The following SCO1 variants were observed in gnomAD, a reference collection of about 807,000 sequenced individuals.
The protein encoded by SCO1 is synthesis of cytochrome C oxidase 1, also known as cytochrome c oxidase assembly factor SCO1.
SCO1 carries 23 observed loss-of-function variants against 34.0 expected under a neutral mutation model. The observed-to-expected ratio is 0.68, with a 90% CI of 0.49 to 0.96. The LOEUF (loss-of-function observed/expected upper bound fraction) is 0.96. SCO1 is among the 40% of genes least tolerant of loss of function. The pLI is 0.00. For synonymous variants in SCO1, 161 were observed against 145.5 expected (o/e 1.11, Z -0.77); for missense variants, 404 against 381.6 (o/e 1.06, Z -0.49).
chr17:10,684,090 G>A (rs907397889), intron 5 of SCO1: 6 of 152,160 alleles, frequency 3.9e-5, no homozygotes, highest in Non-Finnish European at 5.9e-5. Flanking sequence ...ATTCCTCATC[G>A]AATCTCATCA....
At chr17:10,691,419 T>C (rs1208347581) in intron 4 of SCO1, among the ~76,000 whole-genome samples, 1 of 152,190 alleles carries the variant, frequency 6.6e-6, no homozygotes, top group African/African-American at 2.4e-5. Flanking sequence ...CCCGGCCTGT[T>C]ACAGTAAATG....
chr17:10,694,203 A>T (rs948946523), intron 2 of SCO1, among the ~76,000 whole-genome samples: 2 of 152,220 alleles, frequency 1.3e-5, no homozygotes, highest in African/African-American at 4.8e-5. Flanking sequence ...AGACAAATCC[A>T]AGCTAAGGGG....
intron 4 of SCO1, 133 bp from the exon 5 acceptor site, chr17:10,686,975 C>T (rs572126392): frequency 2.9e-6 from 2 of 694,880 alleles, no homozygotes; most frequent in South Asian, 1.5e-5. Flanking sequence ...CATTTCTTCA[C>T]GATTCAAAGG....
chr17:10,686,070 C>T (rs1165913389), intron 5 of SCO1, among the ~76,000 whole-genome samples: 2 of 152,068 alleles, frequency 1.3e-5, no homozygotes, highest in Admixed American at 6.5e-5. Context: ...GGCAAAACTC[C>T]TTCTCTACTA....
intron 2 of SCO1, among the ~76,000 whole-genome samples, chr17:10,695,360 G>A (rs932415484): frequency 1.3e-5 from 2 of 152,000 alleles, no homozygotes; most frequent in African/African-American, 4.8e-5. Context: ...ACTCATCTTC[G>A]TACCCTCCAG....
chr17:10,693,414 A>C (rs988113254), intron 2 of SCO1, among the ~76,000 whole-genome samples: 3 of 152,182 alleles, frequency 2.0e-5, no homozygotes, highest in Admixed American at 2.0e-4. Context: ...TGATGAAATA[A>C]ATGAGTATAT....
chr17:10,680,930 T>C lies in SCO1; in HGVS notation c.*189A>G. 2.9e-6 allele frequency: 2 copies of C among 687,572 alleles called. No homozygotes were observed. The highest frequency in any genetic ancestry group is 5.0e-6 in the Non-Finnish European group (2 of 399,570). The allele number at this position is 687,572 out of a possible 1,614,324, so 42.6% of individuals were successfully genotyped here. ...CCTGGGAGACTTTGGGTTGTAATCT[T>C]TACAGTTCCAAGAATCAATTTTGGT... On this transcript the variant is annotated 3_prime_UTR_variant, in exon 6 of 6. Transcript: ENST00000255390.
rs2074619493 is a variant in SCO1, at chr17:10,681,121, AG to A, written c.903del (p.Ter302SerfsTer84). On this transcript the variant is annotated frameshift_variant, in exon 6 of 6. Coordinates refer to ENST00000255390, the MANE Select transcript of SCO1 (RefSeq NM_004589.4). LOFTEE classifies it high-confidence loss of function. Reference sequence around the variant, plus strand: ...TGCATCCAGCAACACTGCTTTGGCTAGCTCTTTTTTCTGTATGGCCTCATGT... The same window carrying A: ...TGCATCCAGCAACACTGCTTTGGCTACTCTTTTTTCTGTATGGCCTCATGT... Reference protein sequence around the residue: ...ATHMRPYRKKS With the variant: ...ATHMRPYRKKX The A allele has an allele frequency of 6.2e-7, 1 of 1,614,176 alleles. No homozygotes were observed. Among genetic ancestry groups the A allele is most frequent in the African/African-American group, 1.3e-5 (1 of 75,054 alleles).
intron 4 of SCO1, among the ~76,000 whole-genome samples, chr17:10,688,624 C>G (rs2074671350): frequency 1.3e-5 from 2 of 152,308 alleles, no homozygotes; most frequent in South Asian, 4.1e-4. Context: ...TATGATCTAA[C>G]CATTCCTATC....
chr17:10,694,646 C>A (rs530978971), intron 2 of SCO1, among the ~76,000 whole-genome samples: 1 of 152,016 alleles, frequency 6.6e-6, no homozygotes, highest in Admixed American at 6.6e-5. Flanking sequence ...GAAGACTTTT[C>A]AGATTATTTA....
chr17:10,684,641 A>G (rs2074643884), intron 5 of SCO1, among the ~76,000 whole-genome samples: 1 of 152,230 alleles, frequency 6.6e-6, no homozygotes, highest in Non-Finnish European at 1.5e-5. Flanking sequence ...AAGCATCAAG[A>G]CTATGGAGTG....
At chr17:10,681,999 C>T (rs1180706488) in intron 5 of SCO1, among the ~76,000 whole-genome samples, 2 of 152,200 alleles carry the variant, frequency 1.3e-5, no homozygotes, top group Non-Finnish European at 2.9e-5. Context: ...AGCATAAATG[C>T]TGCCCCCCTA....
chr17:10,693,432 AAG>A (rs2074702399), intron 2 of SCO1, among the ~76,000 whole-genome samples: 1 of 152,166 alleles, frequency 6.6e-6, no homozygotes, highest in African/African-American at 2.4e-5. Context: ...TATTAAAGAG[AAG>A]AGAGTTACAA....
Position 10,681,004 on chromosome 17 carries a change from A to C in SCO1, c.*115T>G. On this transcript the variant is annotated 3_prime_UTR_variant, in exon 6 of 6. Transcript: ENST00000255390. ...TCCAAAACAGAAATGTTCTCATGGTATGAAGGCCATTCTGTAGAGTGCACG... is the reference window on the plus strand; with the variant it reads ...TCCAAAACAGAAATGTTCTCATGGTCTGAAGGCCATTCTGTAGAGTGCACG... 1.6e-6 allele frequency: 2 copies of C among 1,219,808 alleles called. No homozygotes were observed. Among genetic ancestry groups the C allele is most frequent in the African/African-American group, 1.5e-5 (1 of 67,196 alleles). 75.6% of individuals were successfully genotyped at this position (1,219,808 alleles called of 1,614,324 possible). A position where few individuals can be genotyped will look rare whatever the true frequency, so the allele number is the denominator to read the frequency against.
rs1232276604 is a variant in SCO1 at position 10,673,372 on chromosome 17, T to C, written c.*7747A>G. ...TTGACGTCGTCAATCAATCAGTGAA[T>C]GACTGTCTTGTGCTGTGATCCCGCA... On this transcript the variant is annotated 3_prime_UTR_variant, in exon 6 of 6. Transcript: ENST00000255390. The C allele has an allele frequency of 1.3e-5, 2 of 152,266 alleles. No homozygotes were observed. The highest frequency in any genetic ancestry group is 2.9e-5 in the Non-Finnish European group (2 of 68,070). The allele number at this position is 152,266 out of a possible 1,614,324, so 9.4% of individuals were successfully genotyped here.
At chr17:10,694,851 C>T (rs1264652476) in intron 2 of SCO1, among the ~76,000 whole-genome samples, 1 of 152,116 alleles carries the variant, frequency 6.6e-6, no homozygotes, top group Non-Finnish European at 1.5e-5. Flanking sequence ...GCCAAAGAGT[C>T]TCATATATAT....
rs185311741 is a variant in SCO1, at chr17:10,697,179, G to A, written c.273+56C>T. The A allele has an allele frequency of 6.2e-4, 895 of 1,448,470 alleles. 11 individuals carry two copies. In the East Asian group the frequency reaches 0.017, roughly 27 times the overall value. 89.7% of individuals were successfully genotyped at this position (1,448,470 alleles called of 1,614,324 possible). A position where few individuals can be genotyped will look rare whatever the true frequency, so the allele number is the denominator to read the frequency against. ...GGTTACGACCAAGTGGGATGTGGCC[G>A]CTGGGCTGGCCGACAGCCGCGACGA... On this transcript the variant is annotated intron_variant, in intron 1 of 5. Coordinates refer to ENST00000255390, the MANE Select transcript of SCO1 (RefSeq NM_004589.4).
intron 4 of SCO1, among the ~76,000 whole-genome samples, chr17:10,689,301 C>A (rs1426221087): frequency 1.3e-5 from 2 of 152,054 alleles, no homozygotes; most frequent in African/African-American, 4.8e-5. Flanking sequence ...TACTTTATTG[C>A]ATGTCAATTA....
chr17:10,681,844 A>C (rs2520193), intron 5 of SCO1, among the ~76,000 whole-genome samples: 5,757 of 152,316 alleles, frequency 0.038, 373 homozygotes, highest in African/African-American at 0.13. Context: ...AATAATCTAT[A>C]AATTTGAACA....
Sources: gnomAD v4.1 joint callset for allele counts (sites outside exome capture counted in the v4.1 genomes callset) on GRCh38, gnomAD v4.1.1 for gene constraint, MANE v1.5 for transcripts, NCBI Gene and HGNC (gene_info 2026-07-23, HGNC 2026-07-21) for gene names.